Variants in RNASE10 observed in about 807,000 individuals in gnomAD.
RNASE10 encodes ribonuclease A family member 10 (inactive).
Under a neutral mutation model 1.1 loss-of-function variants are expected in RNASE10, and 2 were observed. The ratio of observed to expected loss-of-function variants is 1.82; its 90% confidence interval spans 0.74 to 5.73. The LOEUF (loss-of-function observed/expected upper bound fraction) is 5.73, where lower values mean the gene tolerates loss of function less well. RNASE10 is among the 30% of genes most tolerant of loss of function. RNASE10 has a pLI of 0.05. For missense variants in RNASE10, 276 were observed against 263.4 expected, an observed-to-expected ratio of 1.05 and a Z score of -0.33; for synonymous variants, 97 against 96.2, an observed-to-expected ratio of 1.01 and a Z score of -0.05.
chr14:20,510,001 C>A (rs1882853164), intron 1 of RNASE10, among the ~76,000 whole-genome samples: 2 of 150,604 alleles, frequency 1.3e-5, no homozygotes, highest in Non-Finnish European at 3.0e-5. Context: ...TGCCTGTGAT[C>A]CCAGCTACTT....
chr14:20,510,352 A>G, intron 1 of RNASE10, 115 bp from the exon 2 acceptor site: 3 of 1,462,862 alleles, frequency 2.1e-6, no homozygotes, highest in East Asian at 2.3e-5. Context: ...AGTAATGTGC[A>G]GAAGACACAG....
chr14:20,513,218 G>GT (rs202067866), downstream of RNASE10, among the ~76,000 whole-genome samples: 16 of 140,358 alleles, frequency 1.1e-4, no homozygotes, highest in Admixed American at 1.1e-3. Flanking sequence ...GTTTTGTTTT[G>GT]TTTTGTTTTT....
downstream of RNASE10, among the ~76,000 whole-genome samples, chr14:20,513,221 T>TC (rs1882938764): frequency 6.7e-6 from 1 of 150,202 alleles, no homozygotes; most frequent in African/African-American, 2.5e-5. Context: ...TTGTTTTGTT[T>TC]TGTTTTTGTT....
At chr14:20,510,804 G>A (rs868397330) in exon 2 of RNASE10, 1 of 1,614,168 alleles carries the variant, frequency 6.2e-7, no homozygotes, top group Non-Finnish European at 8.5e-7. Context: ...ACTATCTTAG[G>A]CTTGACCAGA....
chr14:20,510,065 G>A lies in RNASE10; in HGVS notation c.80-402G>A, dbSNP rs368754105. 4.6e-5 allele frequency among the ~76,000 whole-genome samples: 7 copies of A among 150,916 alleles called. No homozygotes were observed. In the East Asian group the frequency reaches 5.8e-4, roughly 13 times the overall value. On this transcript the variant is annotated intron_variant, in intron 1 of 1. Transcript: ENST00000430083. Reference sequence around the variant, plus strand: ...CCCTGGGAGATTGAGGCTTCAGTGAGCTATGATGGTGCCACTGTACTCCAA... The same window carrying A: ...CCCTGGGAGATTGAGGCTTCAGTGAACTATGATGGTGCCACTGTACTCCAA...
upstream of RNASE10, among the ~76,000 whole-genome samples, chr14:20,504,680 TCC>T (rs1566535526): frequency 1.7e-5 from 1 of 60,244 alleles, no homozygotes; most frequent in African/African-American, 1.4e-4. Context: ...AGAGAGAGAC[TCC>T]GTCTCAAAAA....
chr14:20,507,154 G>A (rs1235960355), intron 1 of RNASE10, among the ~76,000 whole-genome samples: 23 of 146,358 alleles, frequency 1.6e-4, no homozygotes, highest in African/African-American at 4.6e-4. Flanking sequence ...TGACAATGGC[G>A]GTTTTGTGGA....
chr14:20,513,673 T>TA (rs1882948594), downstream of RNASE10, among the ~76,000 whole-genome samples: 1 of 152,236 alleles, frequency 6.6e-6, no homozygotes. Flanking sequence ...ACTGTGGAAA[T>TA]ATCACTGTGT....
At chr14:20,510,930 C>T in exon 2 of RNASE10, 1 of 1,612,228 alleles carries the variant, frequency 6.2e-7, no homozygotes, top group Non-Finnish European at 8.5e-7. Context: ...CTGTCTGTAA[C>T]AGTCCTGTCA....
chr14:20,510,474 G>A (rs1479655134), exon 2 of RNASE10: 1 of 1,602,364 alleles, frequency 6.2e-7, no homozygotes, highest in Non-Finnish European at 8.5e-7. Context: ...CAGGCAAAAT[G>A]AAGCTGAATC....
At chr14:20,512,527 G>T (rs1055638519), downstream of RNASE10, among the ~76,000 whole-genome samples, 1 of 152,164 alleles carries the variant, frequency 6.6e-6, no homozygotes, top group South Asian at 2.1e-4. Flanking sequence ...AGGGAAGAAC[G>T]GTTTGCTTTA....
chr14:20,511,065 A>T lies in RNASE10; in HGVS notation c.678A>T (p.Lys226Asn). ...GCAATTACCTAACTTCTGTTATAAA[A>T]AAGCACATTATTATAACCTGTAATG... Residue 226 changes from lysine to asparagine, a missense_variant, in exon 2 of 2, where the codon AAA (lysine) becomes AAT (asparagine). Coordinates refer to ENST00000430083, the Ensembl canonical transcript of RNASE10. 6.6e-7 allele frequency: 1 copy of T among 1,525,126 alleles called. No individual in the cohort carries two copies. The highest frequency in any genetic ancestry group is 8.8e-7 in the Non-Finnish European group (1 of 1,136,484). 94.5% of individuals were successfully genotyped at this position (1,525,126 alleles called of 1,614,324 possible). A position where few individuals can be genotyped will look rare whatever the true frequency, so the allele number is the denominator to read the frequency against.
At chr14:20,506,987 GT>G (rs1882753395) in intron 1 of RNASE10, among the ~76,000 whole-genome samples, 1 of 145,028 alleles carries the variant, frequency 6.9e-6, no homozygotes, top group African/African-American at 2.6e-5. Flanking sequence ...CGGGAGGGAG[GT>G]GGTGGGGGTC....
intron 1 of RNASE10, among the ~76,000 whole-genome samples, chr14:20,508,106 A>C (rs1882797165): frequency 6.6e-6 from 1 of 152,196 alleles, no homozygotes; most frequent in Admixed American, 6.5e-5. Flanking sequence ...ACATGTATAC[A>C]TATCCATATA....
At chr14:20,510,795 C>T (rs759698453) in exon 2 of RNASE10, 11 of 1,614,204 alleles carry the variant, frequency 6.8e-6, no homozygotes, top group African/African-American at 1.3e-5. Context: ...GCAACAAAGA[C>T]TATCTTAGGC....
chr14:20,510,616 T>G lies in RNASE10; in HGVS notation c.229T>G (p.Ser77Ala), dbSNP rs147896742. Residue 77 changes from serine (S) to alanine (A), a missense_variant, in exon 2 of 2, where the codon TCA (serine) becomes GCA (alanine). Transcript: ENST00000430083. The stretch of plus-strand genomic sequence containing the variant: ...GCTCAATGAATTTTGGTCCAGTGAC[T>G]CACAGGACAAAGCTGAGGCCACTGA... The G allele has an allele frequency of 6.8e-6, 11 of 1,614,142 alleles. No individual in the cohort carries two copies. The South Asian group carries it at 1.2e-4, about 18-fold the overall frequency.
At chr14:20,504,458 C>A (rs988608980), upstream of RNASE10, among the ~76,000 whole-genome samples, 2 of 151,902 alleles carry the variant, frequency 1.3e-5, no homozygotes, top group Non-Finnish European at 1.5e-5. Flanking sequence ...GAGGCCGAGG[C>A]GGGCGGGTCA....
At chr14:20,506,751 C>T (rs866396299) in intron 1 of RNASE10, among the ~76,000 whole-genome samples, 179 of 125,072 alleles carry the variant, frequency 1.4e-3, no homozygotes, top group African/African-American at 5.0e-3. Flanking sequence ...CCGCCCCGTC[C>T]GGGAGGGAGG....
At chr14:20,504,437 G>A (rs548594865), upstream of RNASE10, among the ~76,000 whole-genome samples, 3 of 151,870 alleles carry the variant, frequency 2.0e-5, no homozygotes, top group Non-Finnish European at 4.4e-5. Context: ...ATAAATTTTC[G>A]AGCACTTTGG....
Sources: gnomAD v4.1 joint callset for allele counts (sites outside exome capture counted in the v4.1 genomes callset) on GRCh38, gnomAD v4.1.1 for gene constraint, MANE v1.5 for transcripts, NCBI Gene and HGNC (gene_info 2026-07-23, HGNC 2026-07-21) for gene names.